Variants in MERTK observed in about 807,000 individuals in gnomAD.
MERTK encodes the protein tyrosine-protein kinase Mer.
Under a neutral mutation model 99.3 loss-of-function variants are expected in MERTK, and 69 were observed. The observed-to-expected ratio is 0.70, with a 90% CI of 0.57 to 0.85. The LOEUF (loss-of-function observed/expected upper bound fraction) is 0.85, where lower values mean the gene tolerates loss of function less well. Among genes scored for constraint, MERTK ranks in the 40% least tolerant of loss-of-function variants. The probability of loss-of-function intolerance (pLI) is 0.00; values close to 1 mark genes in which losing one functional copy is unlikely to be tolerated. For synonymous variants in MERTK, 426 were observed against 467.6 expected (o/e 0.91, Z 1.15); for missense variants, 1,125 against 1,249.4 (o/e 0.90, Z 1.50).
intron 13 of MERTK, among the ~76,000 whole-genome samples, chr2:112,005,272 A>G (rs943932069): frequency 2.0e-5 from 3 of 152,120 alleles, no homozygotes; most frequent in Admixed American, 1.3e-4. Flanking sequence ...GGGTTTCTCC[A>G]TGTTGGCCAG....
chr2:111,976,196 C>T (rs1441302908), intron 7 of MERTK, among the ~76,000 whole-genome samples: 4 of 152,204 alleles, frequency 2.6e-5, no homozygotes, highest in Admixed American at 1.3e-4. Flanking sequence ...CCTGGGCGCA[C>T]CACCCTCCAG....
intron 7 of MERTK, 112 bp downstream of exon 7, chr2:111,975,584 TG>T (rs1676230677): frequency 2.5e-6 from 3 of 1,179,804 alleles, no homozygotes; most frequent in Admixed American, 3.6e-5. Flanking sequence ...ACTTTGTCTC[TG>T]GAGGAGAAAA....
intron 15 of MERTK, among the ~76,000 whole-genome samples, chr2:112,017,118 C>G (rs550415002): frequency 5.3e-5 from 8 of 152,154 alleles, no homozygotes; most frequent in Non-Finnish European, 1.2e-4. Context: ...CCTTATTTGT[C>G]CCCACCCACA....
At chr2:111,902,594 C>G (rs1044147465) in intron 1 of MERTK, among the ~76,000 whole-genome samples, 1 of 152,152 alleles carries the variant, frequency 6.6e-6, no homozygotes, top group Non-Finnish European at 1.5e-5. Flanking sequence ...CTGGCTGGAA[C>G]CTTTTTCCCA....
At position 111,946,143 on chromosome 2, in the gene MERTK, C is replaced by T. The variant is rs539592937; in HGVS notation, c.583+1083C>T. On this transcript the variant is annotated intron_variant, in intron 3 of 18. Transcript: ENST00000295408. The stretch of plus-strand genomic sequence containing the variant: ...GGAAGAGACTCCCTCAGAGGAGTCT[C>T]TTCATGACCTTTGCTCTAGGCCCAT... 2.6e-5 allele frequency among the ~76,000 whole-genome samples: 4 copies of T among 152,234 alleles called. No individual in the cohort carries two copies. The South Asian group carries it at 6.2e-4, about 24-fold the overall frequency.
intron 2 of MERTK, among the ~76,000 whole-genome samples, chr2:111,943,097 C>T (rs1440325642): frequency 1.3e-5 from 2 of 152,198 alleles, no homozygotes; most frequent in Non-Finnish European, 2.9e-5. Context: ...GCCACCCCTG[C>T]CTATCAGGCC....
intron 15 of MERTK, chr2:112,013,522 CT>C (rs1677152091): frequency 6.5e-6 from 1 of 154,318 alleles, no homozygotes; most frequent in Admixed American, 6.5e-5. Context: ...AGTGGCTAAC[CT>C]TTCTCAAGCA....
rs777169813 is a variant in MERTK, at chr2:111,929,538, C to T, written c.480C>T (p.Phe160=). The T allele has an allele frequency of 7.5e-6, 12 of 1,595,342 alleles. No individual in the cohort carries two copies. Among genetic ancestry groups the T allele is most frequent in the Non-Finnish European group, 1.0e-5 (12 of 1,169,954 alleles). The stretch of plus-strand genomic sequence containing the variant: ...AAGTTACAGCAATAATCGCTTCCTT[C>T]AGGTATGTGTTCTTTCTTCCTTTTT... ...DDEVTAIIAS[F]SITSVQRSDN... is the part of the protein sequence containing the mutation. The change falls in exon 2 of 19, where the codon TTC becomes TTT. Residue 160 remains phenylalanine, a splice_region_variant and synonymous_variant. Transcript: ENST00000295408.
intron 4 of MERTK, among the ~76,000 whole-genome samples, chr2:111,951,002 T>A (rs937147906): frequency 6.6e-6 from 1 of 152,192 alleles, no homozygotes; most frequent in African/African-American, 2.4e-5. Context: ...AATTTTTTTT[T>A]ATTTTAAAAT....
chr2:112,020,064 T>C (rs1234111983), intron 16 of MERTK, among the ~76,000 whole-genome samples: 1 of 152,216 alleles, frequency 6.6e-6, no homozygotes, highest in Non-Finnish European at 1.5e-5. Context: ...TCAAAAACAA[T>C]AACTATGTCT....
In MERTK at chr2:111,981,737, GTACACACACACA is replaced by G. The variant is rs1407486634; in HGVS notation, c.1145-1104_1145-1093del. ...AATTATTTTATACACGTACACTCGT[GTACACACACACA>G]CACACACACACACACACTTTTTAAA... On this transcript the variant is annotated intron_variant, in intron 7 of 18. Coordinates refer to ENST00000295408, the MANE Select transcript of MERTK (RefSeq NM_006343.3). 1.2e-3 allele frequency among the ~76,000 whole-genome samples: 174 copies of G among 151,276 alleles called. 1 individual carries two copies. The highest frequency in any genetic ancestry group is 3.5e-3 in the African/African-American group (145 of 41,312).
At chr2:111,957,993 T>A (rs1479188914) in intron 4 of MERTK, among the ~76,000 whole-genome samples, 2 of 152,182 alleles carry the variant, frequency 1.3e-5, no homozygotes, top group Non-Finnish European at 2.9e-5. Context: ...GAATGTTCCT[T>A]AAAAATATCT....
intron 6 of MERTK, among the ~76,000 whole-genome samples, chr2:111,970,617 G>A (rs958445518): frequency 2.0e-5 from 3 of 152,206 alleles, no homozygotes; most frequent in Admixed American, 6.5e-5. Flanking sequence ...GCTTTTTCTG[G>A]TTTTGGCATC....
chr2:111,992,909 C>T (rs1329382653), intron 8 of MERTK, among the ~76,000 whole-genome samples: 1 of 152,114 alleles, frequency 6.6e-6, no homozygotes, highest in Non-Finnish European at 1.5e-5. Flanking sequence ...ACAGGTCAAA[C>T]AACCTGGGGC....
At chr2:111,916,350 T>TA (rs1436078412) in intron 1 of MERTK, among the ~76,000 whole-genome samples, 2 of 152,202 alleles carry the variant, frequency 1.3e-5, no homozygotes, top group African/African-American at 4.8e-5. Context: ...ACTTCAGTGA[T>TA]ACGGATTTTA....
intron 1 of MERTK, among the ~76,000 whole-genome samples, chr2:111,905,511 T>G (rs923281696): frequency 3.6e-5 from 5 of 137,860 alleles, no homozygotes; most frequent in Non-Finnish European, 6.1e-5. Context: ...CGATCTCAGC[T>G]TACTGCAGCC....
chr2:111,907,704 G>C (rs1224878463), intron 1 of MERTK, among the ~76,000 whole-genome samples: 4 of 152,204 alleles, frequency 2.6e-5, no homozygotes, highest in African/African-American at 9.7e-5. Flanking sequence ...CAGGGAGAAT[G>C]ATGTCATTTT....
intron 2 of MERTK, chr2:111,930,284 T>G (rs1280706021): frequency 6.6e-6 from 1 of 152,256 alleles, no homozygotes; most frequent in Non-Finnish European, 1.5e-5. Flanking sequence ...GGTATCTGCA[T>G]CAATATGGGG....
chr2:111,998,110 A>T (rs751629374), intron 10 of MERTK, among the ~76,000 whole-genome samples: 3 of 152,136 alleles, frequency 2.0e-5, no homozygotes, highest in Admixed American at 1.3e-4. Flanking sequence ...TCGCTCCAAG[A>T]CTTGCCATAG....
Sources: allele counts gnomAD v4.1 joint callset (sites outside exome capture counted in the v4.1 genomes callset), GRCh38; gene constraint gnomAD v4.1.1; transcripts MANE v1.5; gene names NCBI Gene and HGNC (gene_info 2026-07-23, HGNC 2026-07-21).